The following SMAP1 variants were observed in gnomAD, a reference collection of about 807,000 sequenced individuals.
The protein encoded by SMAP1 is small ArfGAP 1, also known as stromal membrane-associated protein 1.
In SMAP1, 24 loss-of-function variants were observed where a neutral mutation model predicts 58.5. The observed-to-expected ratio is 0.41, with a 90% CI of 0.30 to 0.58. The LOEUF is 0.58. Ranked by LOEUF, SMAP1 falls within the 20% of genes least tolerant of loss-of-function variation. SMAP1 has a pLI of 0.29. For synonymous variants in SMAP1, 216 were observed against 196.6 expected, an observed-to-expected ratio of 1.10 and a Z score of -0.82; for missense variants, 563 against 566.3, an observed-to-expected ratio of 0.99 and a Z score of 0.06.
At chr6:70,730,866 C>T (rs1051065634) in intron 1 of SMAP1, among the ~76,000 whole-genome samples, 10 of 152,190 alleles carry the variant, frequency 6.6e-5, no homozygotes, top group Non-Finnish European at 1.3e-4. Flanking sequence ...GTGGCGGGAT[C>T]TCGACTCACT....
chr6:70,795,577 A>G (rs550245976), intron 5 of SMAP1, among the ~76,000 whole-genome samples: 1 of 152,164 alleles, frequency 6.6e-6, no homozygotes, highest in Non-Finnish European at 1.5e-5. Context: ...TTTCATCCTC[A>G]TGACTTAATC....
intron 6 of SMAP1, among the ~76,000 whole-genome samples, chr6:70,830,110 T>C (rs537261681): frequency 6.6e-6 from 1 of 152,374 alleles, no homozygotes; most frequent in East Asian, 1.9e-4. Context: ...AGTAGACTTA[T>C]GTTCTTGCTT....
Position 70,671,324 on chromosome 6 carries a change from C to T in SMAP1, c.118+3183C>T, listed in dbSNP as rs184817055. ...TTGGCAGGTACCACATTGACATGTC[C>T]CATGCTTGTTAATGTATATTTCTGA... is the stretch of plus-strand genomic sequence containing the variant. On this transcript the variant is annotated intron_variant, in intron 1 of 10. Coordinates refer to ENST00000370455, the MANE Select transcript of SMAP1 (RefSeq NM_001044305.3). Among the ~76,000 whole-genome samples, 333 of 152,148 alleles carry T rather than the reference C, an allele frequency of 2.2e-3. 5 individuals are homozygous for T. Among genetic ancestry groups the T allele is most frequent in the Admixed American group, 0.018 (275 of 15,278 alleles).
At chr6:70,797,539 TC>T (rs1303093537) in intron 5 of SMAP1, among the ~76,000 whole-genome samples, 1 of 152,122 alleles carries the variant, frequency 6.6e-6, no homozygotes, top group Non-Finnish European at 1.5e-5. Flanking sequence ...GTGTGTACCC[TC>T]CCAAACATCA....
rs578251456 is a variant in SMAP1, at chr6:70,773,067, A to AGTG, written c.339-273_339-271dup. The AGTG allele has an allele frequency of 1.4e-3, 445 of 309,448 alleles. 1 individual carries two copies. Among genetic ancestry groups the AGTG allele is most frequent in the Non-Finnish European group, 1.7e-3 (286 of 167,766 alleles). The allele number at this position is 309,448 out of a possible 1,614,324, so 19.2% of individuals were successfully genotyped here. On this transcript the variant is annotated intron_variant, in intron 3 of 10. Transcript: ENST00000370455. The stretch of plus-strand genomic sequence containing the variant: ...ATTTAAAGTGTGGTGATGCATTGAT[A>AGTG]GTGGTGGTGGTGATGTAGGAATTAA...
At position 70,732,398 on chromosome 6, in the gene SMAP1, A is replaced by G. The variant is rs1293124640; in HGVS notation, c.139A>G (p.Asn47Asp). 6.2e-7 allele frequency: 1 copy of G among 1,607,260 alleles called. No homozygotes were observed. Among genetic ancestry groups the G allele is most frequent in the South Asian group, 1.1e-5 (1 of 89,098 alleles). ...ATTAGGTCCTCGATGGGCTTCCTGG[A>G]ATATTGGTGTGTTTATTTGCATCAG... Reference protein sequence around the residue: ...EAKGPRWASWNIGVFICIRCA... With the variant: ...EAKGPRWASWDIGVFICIRCA... The change falls in exon 2 of 11, where the codon AAT (asparagine) becomes GAT (aspartate). Residue 47 changes from asparagine to aspartate, a missense_variant. By Grantham distance (23) the Asn-to-Asp change is conservative. Coordinates refer to ENST00000370455, the MANE Select transcript of SMAP1 (RefSeq NM_001044305.3).
chr6:70,797,507 T>C (rs1562168578), intron 5 of SMAP1, among the ~76,000 whole-genome samples: 1 of 152,118 alleles, frequency 6.6e-6, no homozygotes, highest in Non-Finnish European at 1.5e-5. Context: ...ACTTTTTTGC[T>C]TTTTAAAATA....
rs539778508 is a variant in SMAP1, at chr6:70,852,811, C to A, written c.789+147C>A. The A allele has an allele frequency of 5.6e-5, 54 of 960,406 alleles. No homozygotes were observed. In the African/African-American group the frequency reaches 8.1e-4, roughly 14 times the overall value. The allele number at this position is 960,406 out of a possible 1,614,324, so 59.5% of individuals were successfully genotyped here. On this transcript the variant is annotated intron_variant, in intron 8 of 10. Coordinates refer to ENST00000370455, the MANE Select transcript of SMAP1 (RefSeq NM_001044305.3). Reference sequence around the variant, plus strand: ...TAGGCTAGAGTTTAGCAAACTAAGCCAGCAGCTTGTTTTTGCAAATAAAGT... The same window carrying A: ...TAGGCTAGAGTTTAGCAAACTAAGCAAGCAGCTTGTTTTTGCAAATAAAGT...
intron 1 of SMAP1, among the ~76,000 whole-genome samples, chr6:70,683,165 CT>C (rs112629325): frequency 0.38 from 43,815 of 114,370 alleles, 7,594 homozygotes; most frequent in South Asian, 0.43. Flanking sequence ...TAAGATTTAA[CT>C]TTTTTTTTTT....
chr6:70,753,795 C>T (rs1766376660), intron 2 of SMAP1, among the ~76,000 whole-genome samples: 1 of 151,910 alleles, frequency 6.6e-6, no homozygotes, highest in Non-Finnish European at 1.5e-5. Context: ...CCATTTTTCT[C>T]ACTGCCCTCC....
intron 4 of SMAP1, among the ~76,000 whole-genome samples, chr6:70,791,046 G>A (rs1768328709): frequency 6.6e-6 from 1 of 152,140 alleles, no homozygotes; most frequent in African/African-American, 2.4e-5. Flanking sequence ...GTCTCATAAT[G>A]CTTTGGGGTA....
intron 1 of SMAP1, chr6:70,668,613 A>G: frequency 6.5e-7 from 1 of 1,535,654 alleles, no homozygotes; most frequent in Non-Finnish European, 8.7e-7. Flanking sequence ...CCGGGCTCGG[A>G]TTCTTGGTCT....
At chr6:70,808,144 TC>T (rs1769218288) in intron 6 of SMAP1, among the ~76,000 whole-genome samples, 1 of 152,156 alleles carries the variant, frequency 6.6e-6, no homozygotes, top group Non-Finnish European at 1.5e-5. Flanking sequence ...GTGCTGGTCT[TC>T]CTGTCTCAGA....
At chr6:70,671,540 T>C (rs112359933) in intron 1 of SMAP1, among the ~76,000 whole-genome samples, 6 of 152,330 alleles carry the variant, frequency 3.9e-5, no homozygotes, top group African/African-American at 1.4e-4. Context: ...ATCGCGCCAC[T>C]GTACTCCAGC....
intron 6 of SMAP1, among the ~76,000 whole-genome samples, chr6:70,821,656 C>T (rs1034811515): frequency 6.6e-6 from 1 of 152,006 alleles, no homozygotes. Context: ...TTAAAAAGAG[C>T]GAATTGAATA....
chr6:70,697,954 G>A (rs1767478512), intron 1 of SMAP1, among the ~76,000 whole-genome samples: 1 of 152,134 alleles, frequency 6.6e-6, no homozygotes. Flanking sequence ...CAATTACAAT[G>A]CTACAATATT....
chr6:70,787,650 G>T (rs915556328), intron 4 of SMAP1, among the ~76,000 whole-genome samples: 1 of 152,082 alleles, frequency 6.6e-6, no homozygotes, highest in African/African-American at 2.4e-5. Context: ...GATATGAACA[G>T]ACACTTCTCA....
intron 2 of SMAP1, among the ~76,000 whole-genome samples, chr6:70,752,253 G>A (rs1333791821): frequency 6.6e-6 from 1 of 152,110 alleles, no homozygotes; most frequent in African/African-American, 2.4e-5. Flanking sequence ...TGAAAACCAG[G>A]CCTCTAAAAC....
chr6:70,789,366 T>C (rs1025624774), intron 4 of SMAP1, among the ~76,000 whole-genome samples: 10 of 152,052 alleles, frequency 6.6e-5, no homozygotes, highest in African/African-American at 2.4e-4. Context: ...CCTTGGTGAC[T>C]GATCTGTTTT....
Sources: allele counts gnomAD v4.1 joint callset (sites outside exome capture counted in the v4.1 genomes callset), GRCh38; gene constraint gnomAD v4.1.1; transcripts MANE v1.5; gene names NCBI Gene and HGNC (gene_info 2026-07-23, HGNC 2026-07-21).